ANO2: variants seen among roughly 807,000 people sequenced by gnomAD.
ANO2 encodes the protein anoctamin-2.
Under a neutral mutation model 124.2 loss-of-function variants are expected in ANO2, and 101 were observed. The ratio of observed to expected loss-of-function variants is 0.81; its 90% CI spans 0.69 to 0.96. ANO2 has a LOEUF of 0.96. ANO2 is among the 40% of genes least tolerant of loss of function. The probability of loss-of-function intolerance (pLI) is 0.00; values close to 1 mark genes in which losing one functional copy is unlikely to be tolerated. For synonymous variants in ANO2, 486 were observed against 482.5 expected (o/e 1.01, Z -0.09); for missense variants, 1,293 against 1,274.5 (o/e 1.01, Z -0.22).
intron 14 of ANO2, among the ~76,000 whole-genome samples, chr12:5,723,719 A>C (rs1001290480): frequency 6.6e-6 from 1 of 152,236 alleles, no homozygotes; most frequent in Non-Finnish European, 1.5e-5. Context: ...CTAAAGTTTA[A>C]AAAATAGTAC....
intron 14 of ANO2, among the ~76,000 whole-genome samples, chr12:5,724,053 C>T (rs1950339418): frequency 6.6e-6 from 1 of 152,022 alleles, no homozygotes; most frequent in African/African-American, 2.4e-5. Flanking sequence ...AACAAAGGTC[C>T]CAGGTATCCT....
At chr12:5,678,666 T>C (rs1165560668) in intron 14 of ANO2, among the ~76,000 whole-genome samples, 1 of 152,168 alleles carries the variant, frequency 6.6e-6, no homozygotes, top group East Asian at 1.9e-4. Flanking sequence ...ATCTAAAGAG[T>C]ATTGATTAAT....
chr12:5,748,778 C>T (rs1416207223), intron 11 of ANO2, among the ~76,000 whole-genome samples: 1 of 151,590 alleles, frequency 6.6e-6, no homozygotes, highest in African/African-American at 2.4e-5. Flanking sequence ...TAACCCATCT[C>T]CTGTGATAAA....
chr12:5,694,281 GAGA>G (rs1421408140), intron 14 of ANO2, among the ~76,000 whole-genome samples: 1 of 151,680 alleles, frequency 6.6e-6, no homozygotes, highest in African/African-American at 2.4e-5. Flanking sequence ...GAGAGAGAGA[GAGA>G]ATAAAACAGA....
chr12:5,624,578 A>G (rs1220349770), intron 16 of ANO2, among the ~76,000 whole-genome samples: 1 of 152,158 alleles, frequency 6.6e-6, no homozygotes, highest in East Asian at 1.9e-4. Flanking sequence ...CCCAGAGGAA[A>G]ACAACCCACA....
intron 5 of ANO2, among the ~76,000 whole-genome samples, chr12:5,831,157 A>G (rs1378165051): frequency 2.6e-5 from 4 of 152,206 alleles, no homozygotes; most frequent in African/African-American, 9.7e-5. Context: ...TGCACTGATG[A>G]AGGAAGGAAA....
At chr12:5,733,921 GTCT>G (rs1222667881) in intron 13 of ANO2, among the ~76,000 whole-genome samples, 8 of 152,182 alleles carry the variant, frequency 5.3e-5, no homozygotes, top group Non-Finnish European at 1.0e-4. Flanking sequence ...GCATGTGAGA[GTCT>G]TCTTATCCTA....
chr12:5,604,907 CT>C (rs11373701), intron 19 of ANO2, among the ~76,000 whole-genome samples: 333 of 146,466 alleles, frequency 2.3e-3, no homozygotes, highest in African/African-American at 6.2e-3. Flanking sequence ...CCTTGCTTTT[CT>C]TTTTTTTTTT....
At chr12:5,914,475 C>T (rs1040285951) in intron 3 of ANO2, among the ~76,000 whole-genome samples, 1 of 152,162 alleles carries the variant, frequency 6.6e-6, no homozygotes, top group Non-Finnish European at 1.5e-5. Flanking sequence ...CACCTGATAC[C>T]GAGACAGAGT....
intron 11 of ANO2, among the ~76,000 whole-genome samples, chr12:5,748,870 CAAAA>C (rs60191649): frequency 3.9e-5 from 4 of 101,640 alleles, no homozygotes; most frequent in Non-Finnish European, 5.6e-5. Flanking sequence ...CTTCACCCTC[CAAAA>C]AAAAAAAAAA....
At chr12:5,896,704 A>G (rs1294334801) in intron 3 of ANO2, among the ~76,000 whole-genome samples, 1 of 152,218 alleles carries the variant, frequency 6.6e-6, no homozygotes, top group Non-Finnish European at 1.5e-5. Flanking sequence ...CATGAAGGAG[A>G]GAAATAATTC....
intron 23 of ANO2, among the ~76,000 whole-genome samples, chr12:5,566,194 A>G (rs1941747781): frequency 6.6e-6 from 1 of 152,226 alleles, no homozygotes; most frequent in Non-Finnish European, 1.5e-5. Flanking sequence ...TTGAACCAAA[A>G]AGAAGGCTGA....
At chr12:5,838,380 A>T (rs932904155) in intron 4 of ANO2, among the ~76,000 whole-genome samples, 5 of 152,214 alleles carry the variant, frequency 3.3e-5, no homozygotes, top group Non-Finnish European at 7.3e-5. Flanking sequence ...AAGACCCTAC[A>T]CAAACATCCC....
intron 14 of ANO2, among the ~76,000 whole-genome samples, chr12:5,692,765 G>C (rs542633601): frequency 2.8e-4 from 42 of 152,184 alleles, no homozygotes; most frequent in African/African-American, 9.9e-4. Flanking sequence ...GCTGTCCCCT[G>C]CGCCCCGTAG....
chr12:5,719,505 T>G (rs762216332), intron 14 of ANO2, among the ~76,000 whole-genome samples: 1 of 151,982 alleles, frequency 6.6e-6, no homozygotes, highest in African/African-American at 2.4e-5. Flanking sequence ...TCTGCCCTCA[T>G]GAATGGATTC....
At chr12:5,823,956 G>T (rs1054365091) in intron 7 of ANO2, among the ~76,000 whole-genome samples, 1 of 152,232 alleles carries the variant, frequency 6.6e-6, no homozygotes, top group Non-Finnish European at 1.5e-5. Context: ...TCCGTCCTCT[G>T]AAGCCACAGC....
At chr12:5,745,701 T>C (rs879422396) in intron 11 of ANO2, among the ~76,000 whole-genome samples, 23 of 152,166 alleles carry the variant, frequency 1.5e-4, no homozygotes, top group Non-Finnish European at 1.0e-4. Context: ...AGGCCTCCTG[T>C]GTGAGAGAAT....
At chr12:5,712,933 A>G (rs1434033154) in intron 14 of ANO2, among the ~76,000 whole-genome samples, 1 of 152,242 alleles carries the variant, frequency 6.6e-6, no homozygotes, top group Non-Finnish European at 1.5e-5. Flanking sequence ...GGTGGGCCAC[A>G]TAGAGCCTTG....
At chr12:5,711,174 A>G (rs978823904) in intron 14 of ANO2, among the ~76,000 whole-genome samples, 1 of 151,590 alleles carries the variant, frequency 6.6e-6, no homozygotes, top group African/African-American at 2.4e-5. Flanking sequence ...AAAAAAAAAA[A>G]TTGATCCCTA....
Sources: allele counts gnomAD v4.1 joint callset (sites outside exome capture counted in the v4.1 genomes callset), GRCh38; gene constraint gnomAD v4.1.1; transcripts MANE v1.5; gene names NCBI Gene and HGNC (gene_info 2026-07-23, HGNC 2026-07-21).